PYHIN1: variants seen among roughly 807,000 people sequenced by gnomAD.
PYHIN1 encodes pyrin and HIN domain-containing protein 1.
In PYHIN1, 32 loss-of-function variants were observed where a neutral mutation model predicts 43.7. That is an observed-to-expected ratio of 0.73 (90% confidence interval 0.55 to 0.98). The LOEUF is 0.98. Among genes scored for constraint, PYHIN1 ranks in the 50% least tolerant of loss-of-function variants. The probability of loss-of-function intolerance (pLI) is 0.00; values close to 1 mark genes in which losing one functional copy is unlikely to be tolerated. For missense variants in PYHIN1, 588 were observed against 589.5 expected (o/e 1.00, Z 0.03); for synonymous variants, 205 against 203.1 (o/e 1.01, Z -0.08).
chr1:158,959,110 G>A (rs935358420), intron 7 of PYHIN1, among the ~76,000 whole-genome samples: 1 of 151,412 alleles, frequency 6.6e-6, no homozygotes, highest in African/African-American at 2.4e-5. Flanking sequence ...TGGGAGGTCC[G>A]TTGCACTCCC....
the PYHIN1 span, among the ~76,000 whole-genome samples, chr1:158,989,331 A>G: frequency 6.6e-6 from 1 of 152,166 alleles, no homozygotes; most frequent in African/African-American, 2.4e-5. Context: ...TCATCAGGAT[A>G]TGAATTAGTG....
intron 7 of PYHIN1, among the ~76,000 whole-genome samples, chr1:158,945,664 C>T (rs986720640): frequency 7.2e-5 from 11 of 152,154 alleles, no homozygotes; most frequent in Non-Finnish European, 1.5e-4. Flanking sequence ...AACAGAGAGG[C>T]TTATCATATA....
chr1:158,943,036 G>A (rs1339457540), intron 5 of PYHIN1, among the ~76,000 whole-genome samples: 3 of 152,122 alleles, frequency 2.0e-5, no homozygotes, highest in Non-Finnish European at 4.4e-5. Context: ...TTTCTGATAT[G>A]TTACTGTCAA....
the PYHIN1 span, among the ~76,000 whole-genome samples, chr1:158,990,291 G>A: frequency 2.0e-5 from 3 of 152,166 alleles, no homozygotes; most frequent in Non-Finnish European, 4.4e-5. Context: ...TGACTGTCTA[G>A]GGGTAGAATG....
Position 158,931,730 on chromosome 1 carries a change from C to T in PYHIN1, c.-67C>T, listed in dbSNP as rs1571707859. On this transcript the variant is annotated 5_prime_UTR_variant, in exon 1 of 9. Transcript: ENST00000368140. ...AAAACAATCCTCATTTCCTACATTT[C>T]TGAAGATCTCAAGATCTGGACTACT... The T allele has an allele frequency of 6.6e-6, 1 of 152,192 alleles. No individual in the cohort carries two copies. Among genetic ancestry groups the T allele is most frequent in the African/African-American group, 2.4e-5 (1 of 41,458 alleles). The allele number at this position is 152,192 out of a possible 1,614,324, so 9.4% of individuals were successfully genotyped here.
intron 7 of PYHIN1, among the ~76,000 whole-genome samples, chr1:158,959,499 T>C (rs1416434637): frequency 6.6e-6 from 1 of 152,240 alleles, no homozygotes; most frequent in East Asian, 1.9e-4. Context: ...TTGTACCCAC[T>C]TTAAGCTATT....
At chr1:158,952,793 G>A (rs532172303) in intron 7 of PYHIN1, among the ~76,000 whole-genome samples, 1 of 152,340 alleles carries the variant, frequency 6.6e-6, no homozygotes, top group South Asian at 2.1e-4. Flanking sequence ...ACAGCTCCCA[G>A]CGTAAGCGAC....
At chr1:158,951,547 G>A (rs990896793) in intron 7 of PYHIN1, among the ~76,000 whole-genome samples, 1 of 152,180 alleles carries the variant, frequency 6.6e-6, no homozygotes, top group African/African-American at 2.4e-5. Context: ...CAGATCGAGT[G>A]ATTGAATTAC....
chr1:158,988,452 G>C, the PYHIN1 span, among the ~76,000 whole-genome samples: 50 of 152,124 alleles, frequency 3.3e-4, no homozygotes, highest in Non-Finnish European at 4.6e-4. Flanking sequence ...CAAAGAGAAA[G>C]CCTCTATGAT....
chr1:158,959,867 T>C (rs1650225612), intron 7 of PYHIN1, among the ~76,000 whole-genome samples: 1 of 152,234 alleles, frequency 6.6e-6, no homozygotes, highest in South Asian at 2.1e-4. Context: ...GCTATGTGCA[T>C]CAATTCTTAT....
Position 158,938,548 on chromosome 1 carries a change from C to T in PYHIN1, c.411+6C>T, listed in dbSNP as rs1330926109. 4 of 1,613,730 alleles carry T rather than the reference C, an allele frequency of 2.5e-6. No homozygotes were observed. The highest frequency in any genetic ancestry group is 3.4e-6 in the Non-Finnish European group (4 of 1,179,802). On this transcript the variant is annotated splice_donor_region_variant and intron_variant, in intron 3 of 8. Transcript: ENST00000368140. ...AGGAGACTCTTGGACCTCAGGTAAGCTTCAGGAAGAGGAGCAGGCTTCAAG... is the reference window on the plus strand; with the variant it reads ...AGGAGACTCTTGGACCTCAGGTAAGTTTCAGGAAGAGGAGCAGGCTTCAAG...
chr1:158,953,672 G>A (rs917770655), intron 7 of PYHIN1, among the ~76,000 whole-genome samples: 6 of 152,138 alleles, frequency 3.9e-5, no homozygotes, highest in Non-Finnish European at 8.8e-5. Context: ...AGAAAAACTG[G>A]AAACTCTAAA....
chr1:158,958,345 T>C (rs1431465714), intron 7 of PYHIN1, among the ~76,000 whole-genome samples: 15 of 140,568 alleles, frequency 1.1e-4, no homozygotes, highest in African/African-American at 3.7e-4. Flanking sequence ...AGCAAAGACT[T>C]GGAACCAACC....
Position 158,938,422 on chromosome 1 carries a change from A to C in PYHIN1, c.291A>C (p.Pro97=). The part of the protein sequence containing the change: ...LKVANKIESI[P]VKGIIPSKKT... ...TTGCAAATAAAATTGAATCCATTCCAGTCAAAGGAATAATCCCATCTAAAA... is the reference window on the plus strand; with the variant it reads ...TTGCAAATAAAATTGAATCCATTCCCGTCAAAGGAATAATCCCATCTAAAA... The change falls in exon 3 of 9, where the codon CCA becomes CCC. Residue 97 remains proline, a synonymous_variant. Coordinates refer to ENST00000368140, the MANE Select transcript of PYHIN1 (RefSeq NM_152501.5). 1 of 1,614,200 alleles carries C rather than the reference A, an allele frequency of 6.2e-7. No individual in the cohort carries two copies. Among genetic ancestry groups the C allele is most frequent in the Non-Finnish European group, 8.5e-7 (1 of 1,179,984 alleles).
the PYHIN1 span, among the ~76,000 whole-genome samples, chr1:158,989,056 A>G: frequency 6.6e-6 from 1 of 152,158 alleles, no homozygotes; most frequent in African/African-American, 2.4e-5. Context: ...TGGGACCTGT[A>G]TCCCTTTTCT....
At chr1:158,980,977 C>A (rs538478727), downstream of PYHIN1, among the ~76,000 whole-genome samples, 1 of 152,210 alleles carries the variant, frequency 6.6e-6, no homozygotes, top group African/African-American at 2.4e-5. Flanking sequence ...CCTCGTGGCC[C>A]AGCTGTAAAA....
the PYHIN1 span, among the ~76,000 whole-genome samples, chr1:158,988,517 A>G: frequency 6.6e-6 from 1 of 152,188 alleles, no homozygotes; most frequent in African/African-American, 2.4e-5. Context: ...TGCTAGAAAT[A>G]TAAATGTTAA....
rs145640162 is a variant in PYHIN1 at position 158,976,868 on chromosome 1, C to CTATATATATATA, written c.*210_*221dup. ...TATGTATATATATCTGGTTGAAATA[C>CTATATATATATA]TATATATATATATATATATATATAT... On this transcript the variant is annotated 3_prime_UTR_variant, in exon 9 of 9. Coordinates refer to ENST00000368140, the MANE Select transcript of PYHIN1 (RefSeq NM_152501.5). 1.4e-5 allele frequency: 3 copies of CTATATATATATA among 221,552 alleles called. No individual in the cohort carries two copies. Among genetic ancestry groups the CTATATATATATA allele is most frequent in the African/African-American group, 8.7e-5 (3 of 34,362 alleles). The allele number at this position is 221,552 out of a possible 1,614,324, so 13.7% of individuals were successfully genotyped here.
chr1:158,937,323 C>G (rs1425826257), intron 2 of PYHIN1, 148 bp downstream of exon 2: 1 of 812,698 alleles, frequency 1.2e-6, no homozygotes. Context: ...CAGATGCCAA[C>G]AAGTTGACAA....
Sources: allele counts gnomAD v4.1 joint callset (sites outside exome capture counted in the v4.1 genomes callset), GRCh38; gene constraint gnomAD v4.1.1; transcripts MANE v1.5; gene names NCBI Gene and HGNC (gene_info 2026-07-23, HGNC 2026-07-21).